Variants in DGKI observed in about 807,000 individuals in gnomAD.
DGKI encodes the protein diacylglycerol kinase iota.
Under a neutral mutation model 147.5 loss-of-function variants are expected in DGKI, and 55 were observed. The observed-to-expected ratio is 0.37, with a 90% CI of 0.30 to 0.47. The LOEUF is 0.47. DGKI is among the 20% of genes least tolerant of loss of function. The probability of loss-of-function intolerance (pLI) is 1.00; values close to 1 mark genes in which losing one functional copy is unlikely to be tolerated. For synonymous variants in DGKI, 469 were observed against 477.1 expected, an observed-to-expected ratio of 0.98 and a Z score of 0.22; for missense variants, 1,007 against 1,323.8, an observed-to-expected ratio of 0.76 and a Z score of 3.71.
At chr7:137,665,000 A>C (rs1287733653) in intron 3 of DGKI, among the ~76,000 whole-genome samples, 1 of 143,336 alleles carries the variant, frequency 7.0e-6, no homozygotes, top group South Asian at 2.1e-4. Context: ...GCGGAAAAAC[A>C]TTCTAGGCAA....
chr7:137,802,578 A>T (rs1002891656), intron 1 of DGKI, among the ~76,000 whole-genome samples: 3 of 152,246 alleles, frequency 2.0e-5, no homozygotes, highest in African/African-American at 7.2e-5. Flanking sequence ...CTTTATGAGG[A>T]CATGAGACTT....
intron 6 of DGKI, among the ~76,000 whole-genome samples, chr7:137,627,178 C>T (rs954859589): frequency 6.6e-6 from 1 of 152,198 alleles, no homozygotes; most frequent in African/African-American, 2.4e-5. Flanking sequence ...AATTTTGCTT[C>T]CACTAAAAAA....
In DGKI at chr7:137,846,661, C is replaced by T; in HGVS notation, c.202G>A (p.Gly68Ser). The T allele has an allele frequency of 1.9e-6, 2 of 1,069,540 alleles. No homozygotes were observed. Among genetic ancestry groups the T allele is most frequent in the Admixed American group, 4.5e-5 (1 of 22,044 alleles). 66.3% of individuals were successfully genotyped at this position (1,069,540 alleles called of 1,614,324 possible). ...GCGCCGCTTCCGCTGCTGCTGCTGC[C>T]GCCCGTCGCCCCTTTCTCCTCTCCC... ...SAGEEKGATG[G>S]SSSSGSGAGS... The change falls in exon 1 of 33, where the codon GGC (glycine) becomes AGC (serine). Residue 68 changes from glycine to serine, a missense_variant. Coordinates refer to ENST00000614521, the MANE Select transcript of DGKI (RefSeq NM_001321708.2). The surrounding 1 kb of genome is among the most constrained non-coding windows in gnomAD (Gnocchi z 4.0).
At chr7:137,826,856 A>G (rs1290647265) in intron 1 of DGKI, among the ~76,000 whole-genome samples, 1 of 152,208 alleles carries the variant, frequency 6.6e-6, no homozygotes, top group African/African-American at 2.4e-5. Context: ...TAAAGTAATA[A>G]TGAATGGCAT....
In DGKI at chr7:137,733,816, G is replaced by C. The variant is rs571226333; in HGVS notation, c.402-43814C>G. 5.3e-5 allele frequency among the ~76,000 whole-genome samples: 8 copies of C among 152,196 alleles called. No homozygotes were observed. The East Asian group carries it at 1.5e-3, about 29-fold the overall frequency. On this transcript the variant is annotated intron_variant, in intron 1 of 32. Transcript: ENST00000614521. ...TTGGTGAAGACAGACCTCATCGAAA[G>C]GGTGGCCTCTGAGCAATGATTTGTA...
intron 6 of DGKI, among the ~76,000 whole-genome samples, chr7:137,638,632 G>GTATATATACACATATA (rs1563126028): frequency 2.5e-4 from 8 of 31,486 alleles, no homozygotes; most frequent in East Asian, 2.8e-3. Flanking sequence ...ATATATATGT[G>GTATATATACACATATA]TGTATATATG....
chr7:137,506,152 C>T (rs1816362324), intron 21 of DGKI, among the ~76,000 whole-genome samples: 1 of 152,210 alleles, frequency 6.6e-6, no homozygotes. Flanking sequence ...AATATCTGCA[C>T]AGGGATGTTT....
intron 3 of DGKI, among the ~76,000 whole-genome samples, chr7:137,673,112 G>A (rs1414577295): frequency 1.3e-5 from 2 of 152,048 alleles, no homozygotes; most frequent in Non-Finnish European, 2.9e-5. Context: ...CACATGTCAT[G>A]CTGGATTAGG....
At chr7:137,822,045 G>A (rs1477893181) in intron 1 of DGKI, among the ~76,000 whole-genome samples, 1 of 152,176 alleles carries the variant, frequency 6.6e-6, no homozygotes, top group African/African-American at 2.4e-5. Flanking sequence ...CCGCAGCTGG[G>A]TTTGAGTGTG....
chr7:137,585,446 T>G, intron 13 of DGKI, 100 bp from the exon 14 acceptor site: 1 of 1,427,828 alleles, frequency 7.0e-7, no homozygotes, highest in Non-Finnish European at 9.4e-7. Context: ...TATTGTTTAT[T>G]TTATAATTAG....
intron 1 of DGKI, among the ~76,000 whole-genome samples, chr7:137,699,231 A>G (rs917233802): frequency 2.0e-5 from 3 of 152,340 alleles, no homozygotes; most frequent in African/African-American, 7.2e-5. Context: ...CTCCACCCTC[A>G]TGACCTATTC....
chr7:137,816,189 C>T (rs1275189907), intron 1 of DGKI, among the ~76,000 whole-genome samples: 1 of 152,140 alleles, frequency 6.6e-6, no homozygotes, highest in African/African-American at 2.4e-5. Flanking sequence ...AGTCACTTAA[C>T]CCCCAACTCC....
intron 1 of DGKI, among the ~76,000 whole-genome samples, chr7:137,807,461 A>G (rs1797416608): frequency 6.6e-6 from 1 of 152,234 alleles, no homozygotes; most frequent in South Asian, 2.1e-4. Context: ...GGAAGTGCAT[A>G]TGCTTTTAAG....
At chr7:137,629,041 C>T (rs934691420) in intron 6 of DGKI, among the ~76,000 whole-genome samples, 8 of 152,070 alleles carry the variant, frequency 5.3e-5, no homozygotes, top group African/African-American at 9.7e-5. Context: ...CCTCCTACCT[C>T]CAAAACTTTA....
At chr7:137,505,856 AG>A (rs1356948093) in intron 21 of DGKI, among the ~76,000 whole-genome samples, 1 of 152,208 alleles carries the variant, frequency 6.6e-6, no homozygotes, top group Non-Finnish European at 1.5e-5. Flanking sequence ...AGTCATCAAA[AG>A]ATGCTCAACA....
chr7:137,501,869 T>C (rs979843184), intron 21 of DGKI, among the ~76,000 whole-genome samples: 2 of 152,140 alleles, frequency 1.3e-5, no homozygotes, highest in Non-Finnish European at 2.9e-5. Flanking sequence ...GCTCCCATAA[T>C]TCCCACATGT....
chr7:137,829,251 A>C (rs1798152018), intron 1 of DGKI, among the ~76,000 whole-genome samples: 1 of 152,250 alleles, frequency 6.6e-6, no homozygotes, highest in African/African-American at 2.4e-5. Context: ...GGAGAGGAAC[A>C]TAGGACAGTA....
chr7:137,691,795 T>TG (rs965050138), intron 1 of DGKI, among the ~76,000 whole-genome samples: 29 of 138,894 alleles, frequency 2.1e-4, no homozygotes, highest in South Asian at 2.3e-4. Flanking sequence ...TCTAGACCTT[T>TG]GGGTTTTTTT....
At chr7:137,449,517 C>T (rs1371856427) in intron 27 of DGKI, among the ~76,000 whole-genome samples, 2 of 152,120 alleles carry the variant, frequency 1.3e-5, no homozygotes, top group South Asian at 2.1e-4. Flanking sequence ...AAATGTAAGT[C>T]CCCAAACATG....
Sources: gnomAD v4.1 joint callset for allele counts (sites outside exome capture counted in the v4.1 genomes callset) on GRCh38, gnomAD v4.1.1 for gene constraint, Gnocchi (gnomAD v3.1) non-coding constraint, MANE v1.5 for transcripts, NCBI Gene and HGNC (gene_info 2026-07-23, HGNC 2026-07-21) for gene names.